Variants in AK3 observed in about 807,000 individuals in gnomAD.
AK3 encodes adenylate kinase 3.
In AK3, 27 loss-of-function variants were observed where a neutral mutation model predicts 23.7. The observed-to-expected ratio is 1.14, with a 90% CI of 0.84 to 1.57. AK3 has a LOEUF of 1.57. AK3 is among the 40% of genes most tolerant of loss of function. The pLI is 0.00. For synonymous variants in AK3, 159 were observed against 116.0 expected, an observed-to-expected ratio of 1.37 and a Z score of -2.38; for missense variants, 406 against 285.6, an observed-to-expected ratio of 1.42 and a Z score of -3.04.
Position 4,736,157 on chromosome 9 carries a change from C to T in AK3, c.151+4780G>A, listed in dbSNP as rs1349924887. On this transcript the variant is annotated intron_variant, in intron 1 of 4. Transcript: ENST00000381809. ...AAAGTTGATTTTGGTGATGTCTGCA[C>T]AACTCTGTGAATATATTAAAGTCCA... Among the ~76,000 whole-genome samples, 6 of 150,112 alleles carry T rather than the reference C, an allele frequency of 4.0e-5. No individual in the cohort carries two copies. In the East Asian group the frequency reaches 1.2e-3, roughly 29 times the overall value.
rs558401496 is a variant in AK3, at chr9:4,737,004, G to C, written c.151+3933C>G. On this transcript the variant is annotated intron_variant, in intron 1 of 4. Transcript: ENST00000381809. ...GGGTTATGTCTCTGAGACGCACTAT[G>C]CTACAGTGCAGCTTTCTCAGACTAA... Among the ~76,000 whole-genome samples, 10 of 145,870 alleles carry C rather than the reference G, an allele frequency of 6.9e-5. No homozygotes were observed. The South Asian group carries it at 2.3e-3, about 34-fold the overall frequency.
At chr9:4,741,209 C>CCCCGGCGTT, upstream of AK3, 1 of 1,137,446 alleles carries the variant, frequency 8.8e-7, no homozygotes, top group South Asian at 2.3e-5. Context: ...TACTGCGGTT[C>CCCCGGCGTT]CCCGGCGTTC....
chr9:4,713,902 AC>A, intron 4 of AK3, among the ~76,000 whole-genome samples: 1 of 260 alleles, frequency 3.8e-3, no homozygotes, highest in Non-Finnish European at 7.8e-3. Flanking sequence ...GCGTACACCT[AC>A]GCCTACACAT....
At chr9:4,731,044 T>C (rs1352210915) in intron 1 of AK3, among the ~76,000 whole-genome samples, 2 of 152,226 alleles carry the variant, frequency 1.3e-5, no homozygotes, top group African/African-American at 4.8e-5. Context: ...TAACTGTTGA[T>C]GTTGGTTTTA....
intron 4 of AK3, among the ~76,000 whole-genome samples, chr9:4,714,534 G>T (rs1841668356): frequency 6.6e-6 from 1 of 152,134 alleles, no homozygotes; most frequent in Non-Finnish European, 1.5e-5. Context: ...GCTTTCAAGG[G>T]AACAAGCTTC....
intron 1 of AK3, among the ~76,000 whole-genome samples, chr9:4,732,202 G>A (rs923840483): frequency 6.6e-6 from 1 of 152,114 alleles, no homozygotes. Flanking sequence ...TCCCATCTTG[G>A]CTTCCCAAAG....
At chr9:4,728,921 A>ACT (rs1842084427) in intron 1 of AK3, among the ~76,000 whole-genome samples, 1 of 147,778 alleles carries the variant, frequency 6.8e-6, no homozygotes, top group Admixed American at 6.8e-5. Flanking sequence ...ATACATACAT[A>ACT]TAAATATATA....
rs1180574669 is a variant in AK3, at chr9:4,718,482, T to G, written c.500A>C (p.Glu167Ala). The part of the protein sequence containing the change: ...PLIQREDDKP[E>A]TVIKRLKAYE... ...AGCCTTTAGTCTCTTGATAACCGTC[T>G]CTGGTTTATCATCCTCACGCTGAAT... The change falls in exon 4 of 5, where the codon GAG becomes GCG. Residue 167 changes from glutamate to alanine, a missense_variant. Physicochemically the swap from Glu to Ala is moderately radical, Grantham distance 107. Coordinates refer to ENST00000381809, the MANE Select transcript of AK3 (RefSeq NM_016282.4). 6.2e-7 allele frequency: 1 copy of G among 1,613,660 alleles called. No homozygotes were observed. The highest frequency in any genetic ancestry group is 8.5e-7 in the Non-Finnish European group (1 of 1,179,854).
At position 4,735,848 on chromosome 9, in the gene AK3, C is replaced by T. The variant is rs563811254; in HGVS notation, c.151+5089G>A. Among the ~76,000 whole-genome samples, 191 of 151,960 alleles carry T rather than the reference C, an allele frequency of 1.3e-3. 1 individual carries two copies. The highest frequency in any genetic ancestry group is 4.4e-3 in the African/African-American group (184 of 41,418). On this transcript the variant is annotated intron_variant, in intron 1 of 4. Transcript: ENST00000381809. Reference sequence around the variant, plus strand: ...AATTGATGAAGGCCAGGTGCAGTAGCTCACGCCTGTAATCCCAGAACTTTG... The same window carrying T: ...AATTGATGAAGGCCAGGTGCAGTAGTTCACGCCTGTAATCCCAGAACTTTG...
chr9:4,722,349 A>G (rs1841920135), intron 2 of AK3, among the ~76,000 whole-genome samples, 157 bp downstream of exon 2: 1 of 152,216 alleles, frequency 6.6e-6, no homozygotes, highest in South Asian at 2.1e-4. Flanking sequence ...TGGATATAGA[A>G]CTGGTCCCAG....
At chr9:4,735,921 C>A (rs1255022626) in intron 1 of AK3, among the ~76,000 whole-genome samples, 1 of 151,470 alleles carries the variant, frequency 6.6e-6, no homozygotes, top group Non-Finnish European at 1.5e-5. Context: ...TCGAGACCAG[C>A]CCGGCTAACA....
At chr9:4,715,293 A>G (rs1414929676) in intron 4 of AK3, among the ~76,000 whole-genome samples, 1 of 151,784 alleles carries the variant, frequency 6.6e-6, no homozygotes, top group Non-Finnish European at 1.5e-5. Context: ...AGGCAGCAAA[A>G]GCCAGAAGGA....
chr9:4,725,993 T>C (rs1367133072), intron 1 of AK3, among the ~76,000 whole-genome samples: 2 of 152,188 alleles, frequency 1.3e-5, no homozygotes, highest in African/African-American at 4.8e-5. Context: ...AATTTTTTGG[T>C]TTCTCGGTGC....
intron 1 of AK3, among the ~76,000 whole-genome samples, chr9:4,736,717 C>G (rs1023466416): frequency 2.6e-5 from 4 of 151,706 alleles, no homozygotes; most frequent in African/African-American, 2.4e-5. Flanking sequence ...GGGTCTCACT[C>G]TGTCACTGTG....
chr9:4,739,974 C>A (rs973505759), intron 1 of AK3, among the ~76,000 whole-genome samples: 9 of 151,528 alleles, frequency 5.9e-5, no homozygotes, highest in Non-Finnish European at 1.3e-4. Context: ...AAACTCTGTT[C>A]CCCTCCGAAG....
intron 1 of AK3, among the ~76,000 whole-genome samples, chr9:4,724,243 T>C (rs142093082): frequency 1.6e-4 from 24 of 152,034 alleles, no homozygotes; most frequent in African/African-American, 5.5e-4. Context: ...AGCTTCAACC[T>C]CATCAACAGC....
intron 1 of AK3, among the ~76,000 whole-genome samples, chr9:4,725,986 T>A (rs1312605568): frequency 1.3e-5 from 2 of 152,102 alleles, no homozygotes; most frequent in Non-Finnish European, 2.9e-5. Context: ...TCACACAAAT[T>A]TTTTGGTTTC....
At chr9:4,735,422 T>A (rs188909768) in intron 1 of AK3, among the ~76,000 whole-genome samples, 97 of 109,652 alleles carry the variant, frequency 8.8e-4, no homozygotes, top group Non-Finnish European at 1.1e-3. Context: ...TATATACATA[T>A]ATAAATATAT....
chr9:4,736,836 T>C lies in AK3; in HGVS notation c.151+4101A>G, dbSNP rs796755553. On this transcript the variant is annotated intron_variant, in intron 1 of 4. Coordinates refer to ENST00000381809, the MANE Select transcript of AK3 (RefSeq NM_016282.4). The stretch of plus-strand genomic sequence containing the variant: ...GAGACTTCAGGCACGTGCCACCACA[T>C]CCAGCTAATGTTTTTATCTTTTGTA... 2.0e-5 allele frequency among the ~76,000 whole-genome samples: 3 copies of C among 152,192 alleles called. No individual in the cohort carries two copies. In the South Asian group the frequency reaches 6.2e-4, roughly 32 times the overall value.
Sources: gnomAD v4.1 joint callset for allele counts (sites outside exome capture counted in the v4.1 genomes callset) on GRCh38, gnomAD v4.1.1 for gene constraint, MANE v1.5 for transcripts, NCBI Gene and HGNC (gene_info 2026-07-23, HGNC 2026-07-21) for gene names.